CSF2RA: variants seen among roughly 807,000 people sequenced by gnomAD.
The protein encoded by CSF2RA is granulocyte-macrophage colony-stimulating factor receptor subunit alpha.
Under a neutral mutation model 51.6 loss-of-function variants are expected in CSF2RA, and 42 were observed. The observed-to-expected ratio is 0.81, with a 90% CI of 0.64 to 1.05. The LOEUF (loss-of-function observed/expected upper bound fraction) is 1.05. CSF2RA is among the 50% of genes least tolerant of loss of function. The probability of loss-of-function intolerance (pLI) is 0.00; values close to 1 mark genes in which losing one functional copy is unlikely to be tolerated. For synonymous variants in CSF2RA, 222 were observed against 193.0 expected (o/e 1.15, Z -1.24); for missense variants, 530 against 501.1 (o/e 1.06, Z -0.55).
chrX:1,281,109 C>G (rs867026855), intron 2 of CSF2RA, among the ~76,000 whole-genome samples: 4 of 66,964 alleles, frequency 6.0e-5, no homozygotes, highest in African/African-American at 3.3e-4. Flanking sequence ...TTCTCCTCCT[C>G]CTTCTCCTCC....
chrX:1,292,956 G>A (rs1354458053), intron 7 of CSF2RA, among the ~76,000 whole-genome samples: 8 of 152,138 alleles, frequency 5.3e-5, no homozygotes, highest in Non-Finnish European at 1.2e-4. Context: ...CTCGGGCAGA[G>A]GTCCCTGCGG....
intron 4 of CSF2RA, among the ~76,000 whole-genome samples, chrX:1,286,461 C>T (rs1187096242): frequency 7.3e-4 from 84 of 115,606 alleles, no homozygotes; most frequent in Admixed American, 6.1e-3. Flanking sequence ...CCCAGCTACT[C>T]GGGAGGCTGA....
intron 4 of CSF2RA, among the ~76,000 whole-genome samples, chrX:1,287,721 G>A (rs1224177894): frequency 6.8e-5 from 9 of 132,884 alleles, no homozygotes; most frequent in African/African-American, 2.3e-4. Context: ...TGGCATTACA[G>A]GTGTGAGCCA....
At chrX:1,291,464 C>T (rs1415001164) in intron 7 of CSF2RA, among the ~76,000 whole-genome samples, 1 of 151,620 alleles carries the variant, frequency 6.6e-6, no homozygotes, top group Non-Finnish European at 1.5e-5. Context: ...TCCTCACCAG[C>T]ACCTCTTCGT....
In CSF2RA at chrX:1,281,177, CCTCCTT is replaced by C. The variant is rs1239011379; in HGVS notation, c.-26-1489_-26-1484del. 5.6e-5 allele frequency among the ~76,000 whole-genome samples: 7 copies of C among 125,240 alleles called. No homozygotes were observed. The South Asian group carries it at 1.3e-3, about 23-fold the overall frequency. 82.2% of individuals were successfully genotyped at this position (125,240 alleles called of 152,430 possible). A position where few individuals can be genotyped will look rare whatever the true frequency, so the allele number is the denominator to read the frequency against. The stretch of plus-strand genomic sequence containing the variant: ...CCCTTCTCCTCCTACTCCTCCTTCT[CCTCCTT>C]CTCCTTCTCCTCCTTCTCCTACTCC... On this transcript the variant is annotated intron_variant, in intron 2 of 12. Transcript: ENST00000381529.
At chrX:1,305,565 A>G (rs750483085) in intron 12 of CSF2RA, 38 bp downstream of exon 12, 1 of 1,613,940 alleles carries the variant, frequency 6.2e-7, no homozygotes, top group Non-Finnish European at 8.5e-7. Context: ...CTGGGATGGA[A>G]GGTGGGGAGT....
At chrX:1,279,832 C>T (rs1330217623) in intron 2 of CSF2RA, among the ~76,000 whole-genome samples, 1 of 151,884 alleles carries the variant, frequency 6.6e-6, no homozygotes, top group Non-Finnish European at 1.5e-5. Flanking sequence ...CTCTGTCACC[C>T]AGGCTGGAGG....
At chrX:1,316,281 GA>G in the CSF2RA span, among the ~76,000 whole-genome samples, 1 of 146,600 alleles carries the variant, frequency 6.8e-6, no homozygotes, top group Non-Finnish European at 1.5e-5. Flanking sequence ...TAGATAGATA[GA>G]TAGATAGATA....
chrX:1,297,698 C>T (rs2092056785), intron 9 of CSF2RA, among the ~76,000 whole-genome samples: 1 of 55,054 alleles, frequency 1.8e-5, no homozygotes, highest in African/African-American at 7.2e-5. Context: ...CTACAGTCTC[C>T]TACTCATGAC....
chrX:1,290,649 G>T lies in CSF2RA; in HGVS notation c.646+140G>T, dbSNP rs779044674. On this transcript the variant is annotated intron_variant, in intron 7 of 12. Coordinates refer to ENST00000381529, the MANE Select transcript of CSF2RA (RefSeq NM_172245.4). ...GGAGGCCGAGGCGGGCCGATCACCTGAGATCGGGTGTTCAAAACCAGCCTG... is the reference window on the plus strand; with the variant it reads ...GGAGGCCGAGGCGGGCCGATCACCTTAGATCGGGTGTTCAAAACCAGCCTG... The T allele has an allele frequency of 1.0e-4, 87 of 854,036 alleles. No individual in the cohort carries two copies. In the African/African-American group the frequency reaches 1.2e-3, roughly 12 times the overall value. 52.9% of individuals were successfully genotyped at this position (854,036 alleles called of 1,614,324 possible). A position where few individuals can be genotyped will look rare whatever the true frequency, so the allele number is the denominator to read the frequency against.
the CSF2RA span, among the ~76,000 whole-genome samples, chrX:1,324,436 A>T: frequency 5.5e-5 from 5 of 91,222 alleles, no homozygotes; most frequent in African/African-American, 1.5e-4. Context: ...AAGAAGAGAG[A>T]GAGAAAAAAG....
At chrX:1,315,123 G>A (rs1402897478), downstream of CSF2RA, among the ~76,000 whole-genome samples, 4 of 151,802 alleles carry the variant, frequency 2.6e-5, no homozygotes, top group African/African-American at 9.7e-5. Flanking sequence ...TCACACTGTG[G>A]GGGGGAGGGT....
At chrX:1,303,796 GCTGGGCCCAGTTCTCA>G in intron 10 of CSF2RA, 111 bp from the exon 11 acceptor site, 1 of 867,350 alleles carries the variant, frequency 1.2e-6, no homozygotes, top group East Asian at 2.4e-5. Context: ...AGGCAGGTTT[GCTGGGCCCAGTTCTCA>G]GCTTGACTGT....
rs747844534 is a variant in CSF2RA at position 1,290,435 on chromosome X, A to T, written c.572A>T (p.Tyr191Phe). The T allele has an allele frequency of 8.2e-5, 132 of 1,613,742 alleles. No homozygotes were observed. The highest frequency in any genetic ancestry group is 1.1e-4 in the Non-Finnish European group (126 of 1,179,832). ...DNLSGLTSRN[Y>F]FLVNGTSREI... ...CTGTCAGGATTAACGTCTCGCAATT[A>T]CTTTCTGGTTAACGGAACCAGCCGA... The change falls in exon 7 of 13, where the codon TAC becomes TTC. Residue 191 changes from tyrosine to phenylalanine, a missense_variant. Tyr to Phe is a conservative substitution (Grantham distance 22). Coordinates refer to ENST00000381529, the MANE Select transcript of CSF2RA (RefSeq NM_172245.4).
chrX:1,314,475 TGCACCTACCCAAC>T (rs1569514881), downstream of CSF2RA, among the ~76,000 whole-genome samples: 7 of 142,310 alleles, frequency 4.9e-5, no homozygotes, highest in Admixed American at 1.4e-4. Context: ...CCAACCCCAA[TGCACCTACCCAAC>T]CCCACTGTGC....
chrX:1,280,946 G>GCTTCTCCTCCTCCTC (rs1569494432), intron 2 of CSF2RA, among the ~76,000 whole-genome samples: 1 of 10,922 alleles, frequency 9.2e-5, no homozygotes, highest in Non-Finnish European at 1.8e-4. Flanking sequence ...TCCTCCTCCT[G>GCTTCTCCTCCTCCTC]CTTCTCCTCC....
At chrX:1,310,194 C>T (rs2084099750), downstream of CSF2RA, 1 of 180,410 alleles carries the variant, frequency 5.5e-6, no homozygotes, top group African/African-American at 2.4e-5. Context: ...CTCTCTGTCT[C>T]AAAAAAAGTG....
downstream of CSF2RA, among the ~76,000 whole-genome samples, chrX:1,311,013 C>T (rs561186571): frequency 2.1e-3 from 322 of 151,978 alleles, 1 homozygote; most frequent in African/African-American, 7.2e-3. Flanking sequence ...TTTGGGAGGC[C>T]GAGGCTGGTG....
Position 1,294,326 on chromosome X carries a change from A to G in CSF2RA, c.647-2A>G. On this transcript the variant is annotated splice_acceptor_variant, in intron 7 of 12. Coordinates refer to ENST00000381529, the MANE Select transcript of CSF2RA (RefSeq NM_172245.4). LOFTEE classifies it high-confidence loss of function. ...GGGGTGTGTCCTGCGCCCTCGTTAC[A>G]GAACGATTCAACCCTCCCAGCAATG... is the stretch of plus-strand genomic sequence containing the variant. The G allele has an allele frequency of 1.2e-6, 2 of 1,613,340 alleles. No individual in the cohort carries two copies. The highest frequency in any genetic ancestry group is 1.7e-5 in the Admixed American group (1 of 60,004).
Sources: allele counts gnomAD v4.1 joint callset (sites outside exome capture counted in the v4.1 genomes callset), GRCh38; gene constraint gnomAD v4.1.1; transcripts MANE v1.5; gene names NCBI Gene and HGNC (gene_info 2026-07-23, HGNC 2026-07-21).